NRXN3: variants seen among roughly 807,000 people sequenced by gnomAD.
NRXN3 encodes neurexin 3, also known as neurexin III.
A neutral mutation model predicts 137.6 loss-of-function variants in NRXN3; 32 were observed. The ratio of observed to expected loss-of-function variants is 0.23; its 90% CI spans 0.18 to 0.31. The LOEUF is 0.31. NRXN3 is among the 10% of genes least tolerant of loss of function. The probability of loss-of-function intolerance (pLI) is 1.00; values close to 1 mark genes in which losing one functional copy is unlikely to be tolerated. For synonymous variants in NRXN3, 798 were observed against 784.5 expected (o/e 1.02, Z -0.29); for missense variants, 1,574 against 2,062.5 (o/e 0.76, Z 4.59).
chr14:78,542,694 C>G (rs892870792), intron 4 of NRXN3, among the ~76,000 whole-genome samples: 1 of 152,172 alleles, frequency 6.6e-6, no homozygotes, highest in African/African-American at 2.4e-5. Flanking sequence ...ATGGGCTACA[C>G]CCACTGTCTA....
chr14:79,111,472 C>T (rs1188214935), intron 15 of NRXN3, among the ~76,000 whole-genome samples: 3 of 152,158 alleles, frequency 2.0e-5, no homozygotes, highest in Admixed American at 2.0e-4. Context: ...GGCACAGTGG[C>T]TCATGCCTGT....
chr14:78,895,627 A>C (rs920354843), intron 10 of NRXN3, among the ~76,000 whole-genome samples: 10 of 151,924 alleles, frequency 6.6e-5, no homozygotes, highest in African/African-American at 2.4e-4. Context: ...AACTAGGTTA[A>C]CTGTTTGGCA....
intron 19 of NRXN3, among the ~76,000 whole-genome samples, chr14:79,797,759 G>A (rs2099165332): frequency 6.6e-6 from 1 of 152,024 alleles, no homozygotes; most frequent in South Asian, 2.1e-4. Flanking sequence ...CTTCTAACAA[G>A]CTTGCCCAAG....
At chr14:79,213,659 C>T (rs1662698671) in intron 15 of NRXN3, among the ~76,000 whole-genome samples, 1 of 151,852 alleles carries the variant, frequency 6.6e-6, no homozygotes, top group Non-Finnish European at 1.5e-5. Flanking sequence ...CAATAAACAC[C>T]TTTATTACAT....
intron 4 of NRXN3, among the ~76,000 whole-genome samples, chr14:78,380,751 A>ATACACAGG (rs1212771978): frequency 6.6e-6 from 1 of 151,706 alleles, no homozygotes; most frequent in Middle Eastern, 3.2e-3. Context: ...ACAGACACTA[A>ATACACAGG]TACACAGGTT....
At chr14:78,887,520 A>G (rs1406020798) in intron 10 of NRXN3, among the ~76,000 whole-genome samples, 1 of 152,064 alleles carries the variant, frequency 6.6e-6, no homozygotes, top group Non-Finnish European at 1.5e-5. Context: ...ACATAAGTGC[A>G]TGGATGCCTG....
intron 10 of NRXN3, among the ~76,000 whole-genome samples, chr14:78,954,964 T>C (rs1034883514): frequency 6.6e-6 from 1 of 152,092 alleles, no homozygotes; most frequent in Non-Finnish European, 1.5e-5. Flanking sequence ...TCTCTATAGG[T>C]ACTGTCATAC....
At chr14:79,750,284 C>A (rs2098993197) in intron 19 of NRXN3, among the ~76,000 whole-genome samples, 1 of 152,062 alleles carries the variant, frequency 6.6e-6, no homozygotes, top group Admixed American at 6.6e-5. Context: ...CAATTTATTT[C>A]TATTTTTTTA....
chr14:78,278,925 A>T (rs1162899724), intron 3 of NRXN3, among the ~76,000 whole-genome samples: 1 of 152,232 alleles, frequency 6.6e-6, no homozygotes, highest in Non-Finnish European at 1.5e-5. Flanking sequence ...TCAGAAAATG[A>T]ACATTTTTGG....
At chr14:79,474,842 AAGG>A (rs1265553000) in intron 16 of NRXN3, among the ~76,000 whole-genome samples, 10 of 151,918 alleles carry the variant, frequency 6.6e-5, no homozygotes, top group Non-Finnish European at 1.3e-4. Context: ...GAGGAGGAGG[AAGG>A]AGGAGGAGAA....
intron 4 of NRXN3, among the ~76,000 whole-genome samples, chr14:78,577,314 A>G (rs1181724291): frequency 2.6e-5 from 4 of 152,206 alleles, no homozygotes; most frequent in African/African-American, 9.6e-5. Context: ...AGAGCTCAGA[A>G]TCCAATCTCA....
chr14:78,745,858 G>A (rs1020426605), intron 8 of NRXN3, among the ~76,000 whole-genome samples: 9 of 152,120 alleles, frequency 5.9e-5, no homozygotes, highest in African/African-American at 2.2e-4. Flanking sequence ...AACAGTTCTT[G>A]ACTCATAGTT....
intron 15 of NRXN3, among the ~76,000 whole-genome samples, chr14:79,425,675 A>G (rs746951079): frequency 4.6e-4 from 70 of 152,278 alleles, no homozygotes; most frequent in African/African-American, 1.5e-3. Flanking sequence ...TGCAATACCA[A>G]CCGAGGTCTT....
Position 79,864,000 on chromosome 14 carries a change from T to TTAA in NRXN3, c.*2038_*2040dup, listed in dbSNP as rs1350602363. 1.2e-5 allele frequency: 1 copy of TTAA among 85,142 alleles called. No individual in the cohort carries two copies. Among genetic ancestry groups the TTAA allele is most frequent in the Non-Finnish European group, 3.3e-5 (1 of 30,302 alleles). The allele number at this position is 85,142 out of a possible 1,614,324, so 5.3% of individuals were successfully genotyped here. Reference sequence around the variant, plus strand: ...TCTAATATTTCAATGTGTTAAGAGTTTAATTTTTTTGTTATCATTAAAAAA... The same window carrying TTAA: ...TCTAATATTTCAATGTGTTAAGAGTTTAATAATTTTTTTGTTATCATTAAAAAA... On this transcript the variant is annotated 3_prime_UTR_variant, in exon 21 of 21. Coordinates refer to ENST00000335750, the MANE Select transcript of NRXN3 (RefSeq NM_001330195.2).
rs180695100 is a variant in NRXN3 at position 79,576,993 on chromosome 14, G to A, written c.3445-86785G>A. 1.7e-4 allele frequency among the ~76,000 whole-genome samples: 26 copies of A among 152,148 alleles called. 1 individual carries two copies. Among genetic ancestry groups the A allele is most frequent in the Admixed American group, 9.8e-4 (15 of 15,282 alleles). ...TGCCTTGAATTGTAATGACTCCCAC[G>A]TCAAGATGGGGCCAGGTGGAGGTAA... On this transcript the variant is annotated intron_variant, in intron 16 of 20. Coordinates refer to ENST00000335750, the MANE Select transcript of NRXN3 (RefSeq NM_001330195.2).
At chr14:78,401,215 A>G (rs542718198) in intron 4 of NRXN3, among the ~76,000 whole-genome samples, 53 of 152,058 alleles carry the variant, frequency 3.5e-4, no homozygotes, top group African/African-American at 1.2e-3. Flanking sequence ...CCCAGGCTGG[A>G]GTGCAATAGC....
chr14:78,940,497 G>C (rs951624595), intron 10 of NRXN3, among the ~76,000 whole-genome samples: 1 of 152,264 alleles, frequency 6.6e-6, no homozygotes, highest in African/African-American at 2.4e-5. Context: ...AAGTAACTTT[G>C]ATCCAGGGAT....
intron 4 of NRXN3, among the ~76,000 whole-genome samples, chr14:78,602,947 G>A (rs1000623398): frequency 7.2e-5 from 11 of 152,172 alleles, no homozygotes; most frequent in African/African-American, 2.2e-4. Flanking sequence ...GAGAGTGTCA[G>A]GAGCCTGCAG....
At chr14:79,393,309 A>G (rs977505211) in intron 15 of NRXN3, among the ~76,000 whole-genome samples, 1 of 152,226 alleles carries the variant, frequency 6.6e-6, no homozygotes, top group Admixed American at 6.5e-5. Flanking sequence ...AGGGCAAGAA[A>G]TCTAAGCAGA....
Sources: gnomAD v4.1 joint callset for allele counts (sites outside exome capture counted in the v4.1 genomes callset) on GRCh38, gnomAD v4.1.1 for gene constraint, MANE v1.5 for transcripts, NCBI Gene and HGNC (gene_info 2026-07-23, HGNC 2026-07-21) for gene names.